RALGAPA2: variants seen among roughly 807,000 people sequenced by gnomAD.
RALGAPA2 encodes the protein Ral GTPase activating protein catalytic subunit alpha 2, also known as ral GTPase-activating protein subunit alpha-2.
RALGAPA2 carries 139 observed loss-of-function variants against 230.4 expected under a neutral mutation model. The observed-to-expected ratio is 0.60, with a 90% CI of 0.53 to 0.69. The LOEUF is 0.69. Among genes scored for constraint, RALGAPA2 ranks in the 30% least tolerant of loss-of-function variants. The probability of loss-of-function intolerance (pLI) is 0.00; values close to 1 mark genes in which losing one functional copy is unlikely to be tolerated. For synonymous variants in RALGAPA2, 847 were observed against 837.8 expected, an observed-to-expected ratio of 1.01 and a Z score of -0.19; for missense variants, 2,163 against 2,276.0, an observed-to-expected ratio of 0.95 and a Z score of 1.01.
At chr20:20,647,371 G>T (rs1354479055) in intron 4 of RALGAPA2, among the ~76,000 whole-genome samples, 1 of 152,178 alleles carries the variant, frequency 6.6e-6, no homozygotes, top group African/African-American at 2.4e-5. Flanking sequence ...AAGCCTGCTA[G>T]AAGAGGCCAG....
chr20:20,585,447 A>T (rs1254743957), intron 18 of RALGAPA2, among the ~76,000 whole-genome samples: 2 of 152,144 alleles, frequency 1.3e-5, no homozygotes, highest in African/African-American at 4.8e-5. Context: ...AATTCACAGG[A>T]TTAAAAAAAA....
intron 24 of RALGAPA2, among the ~76,000 whole-genome samples, chr20:20,542,432 A>G (rs1445050206): frequency 6.6e-6 from 1 of 152,214 alleles, no homozygotes; most frequent in Non-Finnish European, 1.5e-5. Flanking sequence ...ATGGAACCAA[A>G]AAAGAGCCCA....
chr20:20,649,915 C>T (rs984860323), intron 4 of RALGAPA2, among the ~76,000 whole-genome samples: 9 of 152,142 alleles, frequency 5.9e-5, no homozygotes, highest in African/African-American at 2.2e-4. Flanking sequence ...CAAGCAGTCA[C>T]CTTTATCCAC....
intron 37 of RALGAPA2, among the ~76,000 whole-genome samples, chr20:20,426,839 A>G (rs1297064221): frequency 6.6e-6 from 1 of 152,250 alleles, no homozygotes; most frequent in East Asian, 1.9e-4. Flanking sequence ...TGCTGCATCA[A>G]CCAAAGATTA....
At chr20:20,493,742 A>G (rs1569443277) in intron 36 of RALGAPA2, among the ~76,000 whole-genome samples, 1 of 152,234 alleles carries the variant, frequency 6.6e-6, no homozygotes, top group African/African-American at 2.4e-5. Context: ...TTTCAGTTTA[A>G]TTCTTTAAAG....
At position 20,712,338 on chromosome 20, in the gene RALGAPA2, C is replaced by G. The variant is rs1441243029; in HGVS notation, c.106+37G>C. On this transcript the variant is annotated intron_variant, in intron 1 of 39. Coordinates refer to ENST00000202677, the MANE Select transcript of RALGAPA2 (RefSeq NM_020343.4). The surrounding 1 kb of genome is among the most constrained non-coding windows in gnomAD (Gnocchi z 5.5). The stretch of plus-strand genomic sequence containing the variant: ...CGCCCTCCCGGCAGGTGCCCCTAAC[C>G]CGGCGCCCCGACCCCCGCGCCCGGC... The G allele has an allele frequency of 6.5e-7, 1 of 1,542,454 alleles. No individual in the cohort carries two copies. Among genetic ancestry groups the G allele is most frequent in the Non-Finnish European group, 8.8e-7 (1 of 1,142,774 alleles).
Position 20,635,462 on chromosome 20 carries a change from G to C in RALGAPA2, c.961C>G (p.Gln321Glu), listed in dbSNP as rs2066827201. Residue 321 changes from glutamine (Q) to glutamate (E), a missense_variant, in exon 9 of 40, where the codon CAA (glutamine) becomes GAA (glutamate). By Grantham distance (29) the Gln-to-Glu change is conservative (BLOSUM62 2). Coordinates refer to ENST00000202677, the MANE Select transcript of RALGAPA2 (RefSeq NM_020343.4). The stretch of plus-strand genomic sequence containing the variant: ...ACATCAACTCCATTTTTAGTGTTTT[G>C]TGTTGCAGTTAGATACTTTTTTTCC... ...FLEKKYLTAT[Q>E]NTKNGVDVLP... is the part of the protein sequence containing the mutation. The C allele has an allele frequency of 6.2e-7, 1 of 1,600,926 alleles. No homozygotes were observed. Among genetic ancestry groups the C allele is most frequent in the Non-Finnish European group, 8.5e-7 (1 of 1,175,466 alleles).
chr20:20,667,234 C>A (rs1603226801), intron 3 of RALGAPA2, among the ~76,000 whole-genome samples: 1 of 152,136 alleles, frequency 6.6e-6, no homozygotes, highest in Non-Finnish European at 1.5e-5. Flanking sequence ...ATTAAAAATT[C>A]TTTTCCCCTA....
intron 37 of RALGAPA2, among the ~76,000 whole-genome samples, chr20:20,440,203 A>G (rs1227520311): frequency 1.3e-5 from 2 of 152,192 alleles, no homozygotes; most frequent in African/African-American, 2.4e-5. Flanking sequence ...AGAAAGCAAA[A>G]TGACCTGGCC....
chr20:20,399,207 T>TGTG (rs952161029), intron 38 of RALGAPA2, among the ~76,000 whole-genome samples: 1 of 151,888 alleles, frequency 6.6e-6, no homozygotes, highest in Admixed American at 6.6e-5. Context: ...ATCAGCTGGG[T>TGTG]GTGGTGGTGG....
At chr20:20,439,130 T>A (rs1050523468) in intron 37 of RALGAPA2, among the ~76,000 whole-genome samples, 1 of 152,118 alleles carries the variant, frequency 6.6e-6, no homozygotes, top group Non-Finnish European at 1.5e-5. Flanking sequence ...CTCTCCCAAT[T>A]TATTACTAAG....
intron 3 of RALGAPA2, among the ~76,000 whole-genome samples, chr20:20,666,496 A>T (rs1401498852): frequency 6.6e-6 from 1 of 152,190 alleles, no homozygotes; most frequent in Admixed American, 6.5e-5. Context: ...AGTGGCCCTT[A>T]CAGGAAACAA....
chr20:20,654,727 A>G (rs1266599676), intron 3 of RALGAPA2, among the ~76,000 whole-genome samples: 2 of 152,234 alleles, frequency 1.3e-5, no homozygotes, highest in Non-Finnish European at 1.5e-5. Flanking sequence ...TCTCTTCTGC[A>G]TACTGATTTT....
intron 20 of RALGAPA2, among the ~76,000 whole-genome samples, chr20:20,578,323 C>T (rs965609892): frequency 6.6e-6 from 1 of 152,102 alleles, no homozygotes; most frequent in African/African-American, 2.4e-5. Context: ...AGACTTCAGA[C>T]AATTTCACGT....
In RALGAPA2 at chr20:20,639,768, C is replaced by T. The variant is rs2066971043; in HGVS notation, c.666+17G>A. On this transcript the variant is annotated intron_variant, in intron 7 of 39. Coordinates refer to ENST00000202677, the MANE Select transcript of RALGAPA2 (RefSeq NM_020343.4). ...AGAATAAACCCATCACTGAAATAGT[C>T]ATAATTTTTCTCTGACCTGAATAAC... 6.6e-7 allele frequency: 1 copy of T among 1,522,246 alleles called. No individual in the cohort carries two copies. The highest frequency in any genetic ancestry group is 9.1e-7 in the Non-Finnish European group (1 of 1,096,934). The allele number at this position is 1,522,246 out of a possible 1,614,324, so 94.3% of individuals were successfully genotyped here. A position where few individuals can be genotyped will look rare whatever the true frequency, so the allele number is the denominator to read the frequency against.
rs2146346078 is a variant in RALGAPA2 at position 20,620,528 on chromosome 20, C to G, written c.1336G>C (p.Asp446His). The G allele has an allele frequency of 1.2e-6, 2 of 1,613,982 alleles. No individual in the cohort carries two copies. Among genetic ancestry groups the G allele is most frequent in the East Asian group, 4.5e-5 (2 of 44,880 alleles). Residue 446 changes from aspartate to histidine, a missense_variant, in exon 11 of 40, where the codon GAT (aspartate) becomes CAT (histidine). Coordinates refer to ENST00000202677, the MANE Select transcript of RALGAPA2 (RefSeq NM_020343.4). ...QDKPVFMEEP[D>H]RKDVAQEDAE... ...TCTTCTTGGGCAACATCTTTTCTAT[C>G]TGGCTCCTCCATGAACACAGGTTTG... is the stretch of plus-strand genomic sequence containing the variant.
chr20:20,602,261 A>G (rs2065678264), intron 15 of RALGAPA2, among the ~76,000 whole-genome samples: 1 of 152,254 alleles, frequency 6.6e-6, no homozygotes, highest in African/African-American at 2.4e-5. Flanking sequence ...TGTAGACACC[A>G]ACCCCTCCAC....
chr20:20,414,039 C>T (rs1220820014), intron 37 of RALGAPA2, among the ~76,000 whole-genome samples: 4 of 152,256 alleles, frequency 2.6e-5, no homozygotes, highest in Admixed American at 1.3e-4. Flanking sequence ...GCCGCTGGTC[C>T]GGGGAACAGC....
At chr20:20,679,134 T>C (rs1454671521) in intron 2 of RALGAPA2, among the ~76,000 whole-genome samples, 1 of 152,148 alleles carries the variant, frequency 6.6e-6, no homozygotes, top group African/African-American at 2.4e-5. Flanking sequence ...ACCTATATTG[T>C]ACTGTCCAGC....
Sources: gnomAD v4.1 joint callset for allele counts (sites outside exome capture counted in the v4.1 genomes callset) on GRCh38, gnomAD v4.1.1 for gene constraint, Gnocchi (gnomAD v3.1) non-coding constraint, MANE v1.5 for transcripts, NCBI Gene and HGNC (gene_info 2026-07-23, HGNC 2026-07-21) for gene names.